ZNRF2: variants seen among roughly 807,000 people sequenced by gnomAD.
The protein encoded by ZNRF2 is E3 ubiquitin-protein ligase ZNRF2.
Under a neutral mutation model 20.4 loss-of-function variants are expected in ZNRF2, and 16 were observed. The ratio of observed to expected loss-of-function variants is 0.79; its 90% CI spans 0.53 to 1.19. ZNRF2 has a LOEUF of 1.19. Ranked by LOEUF, ZNRF2 falls within the 50% of genes most tolerant of loss-of-function variation. The probability of loss-of-function intolerance (pLI) is 0.00; values close to 1 mark genes in which losing one functional copy is unlikely to be tolerated. For synonymous variants in ZNRF2, 178 were observed against 144.9 expected, an observed-to-expected ratio of 1.23 and a Z score of -1.64; for missense variants, 363 against 332.4, an observed-to-expected ratio of 1.09 and a Z score of -0.72.
At chr7:30,324,688 G>A (rs1030122125) in intron 2 of ZNRF2, among the ~76,000 whole-genome samples, 3 of 152,118 alleles carry the variant, frequency 2.0e-5, no homozygotes, top group Admixed American at 2.0e-4. Context: ...AGATTCTTTG[G>A]ACCACAGTTT....
chr7:30,313,112 A>G (rs1799316198), intron 1 of ZNRF2, among the ~76,000 whole-genome samples: 1 of 152,190 alleles, frequency 6.6e-6, no homozygotes, highest in African/African-American at 2.4e-5. Flanking sequence ...TTTGGTCTTA[A>G]GTTTTCTGCA....
chr7:30,295,179 A>G (rs1365296139), intron 1 of ZNRF2, among the ~76,000 whole-genome samples: 1 of 150,720 alleles, frequency 6.6e-6, no homozygotes, highest in African/African-American at 2.4e-5. Context: ...TGTACTTCCA[A>G]CTACATGCGA....
chr7:30,341,687 A>G (rs11979006), intron 2 of ZNRF2, among the ~76,000 whole-genome samples: 23,178 of 152,040 alleles, frequency 0.15, 4,973 homozygotes, highest in African/African-American at 0.48. Context: ...TAAGAAGAAT[A>G]TATATTCTGT....
At chr7:30,316,037 C>T (rs991706962) in intron 1 of ZNRF2, among the ~76,000 whole-genome samples, 11 of 151,864 alleles carry the variant, frequency 7.2e-5, no homozygotes, top group Admixed American at 7.2e-4. Flanking sequence ...ACCTGTAATC[C>T]CAGCACTTTG....
chr7:30,333,831 G>A (rs1799676176), intron 2 of ZNRF2, among the ~76,000 whole-genome samples: 1 of 152,072 alleles, frequency 6.6e-6, no homozygotes, highest in Admixed American at 6.6e-5. Context: ...TCATGCCTTT[G>A]CCCACTTCTT....
chr7:30,291,992 A>G (rs1368929188), intron 1 of ZNRF2, among the ~76,000 whole-genome samples: 1 of 152,216 alleles, frequency 6.6e-6, no homozygotes, highest in East Asian at 1.9e-4. Context: ...AAAAACTAAC[A>G]TACGGAAAAG....
At chr7:30,309,024 A>G (rs1051419983) in intron 1 of ZNRF2, among the ~76,000 whole-genome samples, 16 of 152,140 alleles carry the variant, frequency 1.1e-4, no homozygotes, top group African/African-American at 3.9e-4. Context: ...CAGGTCCTAA[A>G]TATGATGTCT....
At chr7:30,338,959 C>T (rs1799756549) in intron 2 of ZNRF2, among the ~76,000 whole-genome samples, 1 of 152,176 alleles carries the variant, frequency 6.6e-6, no homozygotes, top group African/African-American at 2.4e-5. Flanking sequence ...TTAATGATCG[C>T]CATTCTAACT....
intron 2 of ZNRF2, among the ~76,000 whole-genome samples, chr7:30,343,851 A>T (rs1799835524): frequency 7.0e-6 from 1 of 142,622 alleles, no homozygotes; most frequent in East Asian, 2.0e-4. Context: ...GTCAGTGCTA[A>T]TTCTGTCATT....
Position 30,313,038 on chromosome 7 carries a change from A to G in ZNRF2, c.470-10604A>G, listed in dbSNP as rs187823937. Among the ~76,000 whole-genome samples, 5 of 152,336 alleles carry G rather than the reference A, an allele frequency of 3.3e-5. No homozygotes were observed. The East Asian group carries it at 9.6e-4, about 29-fold the overall frequency. ...GACAGAACCTAAAACGAAACACTTG[A>G]TAAGTAGAAGCCATGTGAGCTGTAC... On this transcript the variant is annotated intron_variant, in intron 1 of 4. Transcript: ENST00000323037.
chr7:30,317,253 A>T (rs1799390196), intron 1 of ZNRF2, among the ~76,000 whole-genome samples: 1 of 152,214 alleles, frequency 6.6e-6, no homozygotes, highest in Admixed American at 6.5e-5. Flanking sequence ...GAGTGATCAG[A>T]TGTAACACGC....
At chr7:30,342,494 C>T (rs1799812076) in intron 2 of ZNRF2, among the ~76,000 whole-genome samples, 1 of 152,134 alleles carries the variant, frequency 6.6e-6, no homozygotes, top group Non-Finnish European at 1.5e-5. Context: ...TGAAGCGTAG[C>T]TTGACTGGAT....
intron 1 of ZNRF2, among the ~76,000 whole-genome samples, chr7:30,306,889 G>A (rs1009370327): frequency 1.1e-4 from 16 of 152,028 alleles, no homozygotes; most frequent in Non-Finnish European, 1.3e-4. Context: ...CTAGAAAGTT[G>A]GCTGCCTAAT....
At chr7:30,300,651 C>T (rs1325634645) in intron 1 of ZNRF2, among the ~76,000 whole-genome samples, 1 of 152,138 alleles carries the variant, frequency 6.6e-6, no homozygotes, top group African/African-American at 2.4e-5. Flanking sequence ...GTGGTTGATT[C>T]ATTTGCAAAT....
chr7:30,287,877 C>A (rs558377365), intron 1 of ZNRF2, among the ~76,000 whole-genome samples: 1 of 152,232 alleles, frequency 6.6e-6, no homozygotes, highest in African/African-American at 2.4e-5. Context: ...GAAATAATTT[C>A]CTGTGTTTGG....
At chr7:30,314,425 C>T (rs1272179948) in intron 1 of ZNRF2, among the ~76,000 whole-genome samples, 1 of 152,030 alleles carries the variant, frequency 6.6e-6, no homozygotes, top group Non-Finnish European at 1.5e-5. Context: ...TTTAATCTAT[C>T]AGATTTGTAG....
At chr7:30,307,303 T>C (rs1179561203) in intron 1 of ZNRF2, among the ~76,000 whole-genome samples, 1 of 150,716 alleles carries the variant, frequency 6.6e-6, no homozygotes, top group East Asian at 1.9e-4. Context: ...CTCTTTTTTG[T>C]CTTCTTTCTG....
At chr7:30,320,883 G>A (rs1562611976) in intron 1 of ZNRF2, among the ~76,000 whole-genome samples, 1 of 151,976 alleles carries the variant, frequency 6.6e-6, no homozygotes, top group Non-Finnish European at 1.5e-5. Flanking sequence ...TAATGCCTTA[G>A]AGCTGCCTTA....
At chr7:30,315,727 C>G (rs141171130) in intron 1 of ZNRF2, among the ~76,000 whole-genome samples, 1,993 of 28,230 alleles carry the variant, frequency 0.071, 60 homozygotes, top group Middle Eastern at 0.23. Flanking sequence ...AAAGGTGGGG[C>G]GGGGGGGGGG....
Sources: allele counts gnomAD v4.1 joint callset (sites outside exome capture counted in the v4.1 genomes callset), GRCh38; gene constraint gnomAD v4.1.1; transcripts MANE v1.5; gene names NCBI Gene and HGNC (gene_info 2026-07-23, HGNC 2026-07-21).